CNTN6: variants seen among roughly 807,000 people sequenced by gnomAD.
The protein encoded by CNTN6 is contactin-6.
CNTN6 carries 137 observed loss-of-function variants against 122.8 expected under a neutral mutation model. The ratio of observed to expected loss-of-function variants is 1.12; its 90% CI spans 0.97 to 1.29. The LOEUF (loss-of-function observed/expected upper bound fraction) is 1.29, where lower values mean the gene tolerates loss of function less well. CNTN6 is among the 50% of genes most tolerant of loss of function. The pLI, the probability that CNTN6 is intolerant of heterozygous loss-of-function variation, is 0.00. For synonymous variants in CNTN6, 570 were observed against 426.0 expected (o/e 1.34, Z -4.16); for missense variants, 1,634 against 1,223.4 (o/e 1.34, Z -5.01).
At position 1,402,370 on chromosome 3, in the gene CNTN6, A is replaced by G. The variant is rs763617595; in HGVS notation, c.2870A>G (p.Asn957Ser). 32 of 1,612,286 alleles carry G rather than the reference A, an allele frequency of 2.0e-5. No individual in the cohort carries two copies. Among genetic ancestry groups the G allele is most frequent in the Non-Finnish European group, 2.6e-5 (31 of 1,178,932 alleles). ...AAAACTCATATTTTGGAAACAAACAATACATCAGCTGAGCTTCTGGTTCCA... is the reference window on the plus strand; with the variant it reads ...AAAACTCATATTTTGGAAACAAACAGTACATCAGCTGAGCTTCTGGTTCCA... ...QSKTHILETN[N>S]TSAELLVPFE... The change falls in exon 22 of 23, where the codon AAT (asparagine) becomes AGT (serine). Residue 957 changes from asparagine (N) to serine (S), a missense_variant. Coordinates refer to ENST00000446702, the MANE Select transcript of CNTN6 (RefSeq NM_001289080.2).
chr3:1,141,363 G>A (rs114530248), intron 1 of CNTN6, among the ~76,000 whole-genome samples: 1,853 of 152,300 alleles, frequency 0.012, 47 homozygotes, highest in African/African-American at 0.041. Context: ...CAATGTTGCT[G>A]TAAATAAGGG....
intron 1 of CNTN6, among the ~76,000 whole-genome samples, chr3:1,141,694 G>A (rs924199364): frequency 6.6e-6 from 1 of 152,142 alleles, no homozygotes; most frequent in Non-Finnish European, 1.5e-5. Context: ...CCAAGTCCAT[G>A]TAACCTAGAT....
chr3:1,160,406 A>T (rs988617153), intron 2 of CNTN6, among the ~76,000 whole-genome samples: 26 of 133,542 alleles, frequency 1.9e-4, no homozygotes, highest in African/African-American at 7.5e-4. Context: ...GTATTCTTTC[A>T]TTTCTGGCTT....
intron 4 of CNTN6, among the ~76,000 whole-genome samples, chr3:1,250,738 C>G (rs1451889495): frequency 6.6e-6 from 1 of 152,114 alleles, no homozygotes; most frequent in Non-Finnish European, 1.5e-5. Context: ...TTAGCAAAAT[C>G]TTTGCACACT....
At chr3:1,370,613 GC>G (rs1454798731) in intron 12 of CNTN6, among the ~76,000 whole-genome samples, 3 of 152,046 alleles carry the variant, frequency 2.0e-5, no homozygotes, top group Admixed American at 6.6e-5. Flanking sequence ...CACTTGGGAG[GC>G]CAAGTCAGGT....
chr3:1,336,211 A>T (rs1171985494), intron 11 of CNTN6, among the ~76,000 whole-genome samples: 1 of 152,132 alleles, frequency 6.6e-6, no homozygotes, highest in African/African-American at 2.4e-5. Context: ...TGTCAGAAAA[A>T]GTCTCATTAA....
chr3:1,222,867 C>T (rs1280057987), intron 3 of CNTN6, among the ~76,000 whole-genome samples: 3 of 152,066 alleles, frequency 2.0e-5, no homozygotes, highest in African/African-American at 7.2e-5. Context: ...ATCCTCCATC[C>T]TCCAGCAGGC....
chr3:1,099,010 A>G (rs985606101), intron 1 of CNTN6, among the ~76,000 whole-genome samples: 3 of 151,176 alleles, frequency 2.0e-5, no homozygotes, highest in Non-Finnish European at 2.9e-5. Flanking sequence ...CTACATTACC[A>G]TGAATTGTAT....
intron 2 of CNTN6, among the ~76,000 whole-genome samples, chr3:1,172,652 G>A (rs1189454045): frequency 8.3e-6 from 1 of 120,190 alleles, no homozygotes; most frequent in Admixed American, 8.7e-5. Flanking sequence ...GTGTGTGTGT[G>A]TGTGTGTATC....
intron 1 of CNTN6, among the ~76,000 whole-genome samples, chr3:1,141,958 C>T (rs1229274532): frequency 1.3e-5 from 2 of 152,078 alleles, no homozygotes; most frequent in South Asian, 2.1e-4. Context: ...AGTTGGAAAA[C>T]TCCTCTGTAA....
intron 2 of CNTN6, among the ~76,000 whole-genome samples, chr3:1,206,786 A>G (rs1057288656): frequency 1.3e-5 from 2 of 152,110 alleles, no homozygotes; most frequent in East Asian, 1.9e-4. Flanking sequence ...AATGCAGTGG[A>G]ATGTTTTTTA....
chr3:1,391,583 G>C (rs1253152472), intron 20 of CNTN6, among the ~76,000 whole-genome samples: 2 of 148,544 alleles, frequency 1.3e-5, no homozygotes, highest in African/African-American at 5.1e-5. Flanking sequence ...GGAAATAAAG[G>C]GTATTCAATT....
At chr3:1,283,747 C>T (rs1019468523) in intron 5 of CNTN6, among the ~76,000 whole-genome samples, 1 of 152,166 alleles carries the variant, frequency 6.6e-6, no homozygotes, top group Non-Finnish European at 1.5e-5. Context: ...CACCTGTAAT[C>T]CCAGCACTTT....
intron 7 of CNTN6, among the ~76,000 whole-genome samples, chr3:1,301,669 T>C (rs2125892110): frequency 6.6e-6 from 1 of 152,320 alleles, no homozygotes; most frequent in African/African-American, 2.4e-5. Context: ...ATGAAGGCAT[T>C]AATATAGAAT....
intron 4 of CNTN6, among the ~76,000 whole-genome samples, chr3:1,271,279 G>C (rs2095022410): frequency 6.6e-6 from 1 of 152,164 alleles, no homozygotes; most frequent in Non-Finnish European, 1.5e-5. Context: ...GGAGCAGAGA[G>C]AGCTGAACAT....
intron 4 of CNTN6, among the ~76,000 whole-genome samples, chr3:1,267,459 C>G (rs969685985): frequency 3.3e-5 from 5 of 152,004 alleles, no homozygotes; most frequent in African/African-American, 1.2e-4. Flanking sequence ...TTATAAAGTT[C>G]AGGAATTGGG....
chr3:1,324,883 A>G (rs1701320411), intron 8 of CNTN6, among the ~76,000 whole-genome samples: 1 of 149,580 alleles, frequency 6.7e-6, no homozygotes, highest in Admixed American at 6.6e-5. Context: ...CGCTGCGAGA[A>G]TCCACTGAAA....
chr3:1,215,611 T>C (rs753394749), intron 2 of CNTN6, among the ~76,000 whole-genome samples: 2 of 152,190 alleles, frequency 1.3e-5, no homozygotes, highest in Non-Finnish European at 2.9e-5. Context: ...AAAACTGTTT[T>C]GAGGAATTCC....
rs904723545 is a variant in CNTN6, at chr3:1,095,440, C to T, written c.-83+2320C>T. Among the ~76,000 whole-genome samples the T allele has an allele frequency of 2.6e-5, 4 of 152,158 alleles. 1 individual carries two copies. Among genetic ancestry groups the T allele is most frequent in the African/African-American group, 4.8e-5 (2 of 41,428 alleles). On this transcript the variant is annotated intron_variant, in intron 1 of 22. Coordinates refer to ENST00000446702, the MANE Select transcript of CNTN6 (RefSeq NM_001289080.2). Reference sequence around the variant, plus strand: ...GAGCAGAGATCGCGCCATTGCCCTCCAGCCTGGGTGACAGAGTGAAACTCC... The same window carrying T: ...GAGCAGAGATCGCGCCATTGCCCTCTAGCCTGGGTGACAGAGTGAAACTCC...
Sources: allele counts gnomAD v4.1 joint callset (sites outside exome capture counted in the v4.1 genomes callset), GRCh38; gene constraint gnomAD v4.1.1; transcripts MANE v1.5; gene names NCBI Gene and HGNC (gene_info 2026-07-23, HGNC 2026-07-21).